CPA3: variants seen among roughly 807,000 people sequenced by gnomAD.
CPA3 encodes the protein carboxypeptidase A3.
CPA3 carries 52 observed loss-of-function variants against 55.8 expected under a neutral mutation model. That is an observed-to-expected ratio of 0.93 (90% CI 0.75 to 1.17). CPA3 has a LOEUF of 1.17. Ranked by LOEUF, CPA3 falls within the 50% of genes most tolerant of loss-of-function variation. The pLI is 0.00. For missense variants in CPA3, 547 were observed against 509.1 expected (o/e 1.07, Z -0.72); for synonymous variants, 179 against 171.2 (o/e 1.05, Z -0.36).
At chr3:148,865,643 C>A in intron 2 of CPA3, 95 bp downstream of exon 2, 1 of 1,076,672 alleles carries the variant, frequency 9.3e-7, no homozygotes, top group Non-Finnish European at 1.4e-6. Flanking sequence ...CTACAAAAGA[C>A]TATTGAACAT....
chr3:148,894,963 C>T (rs972972837), intron 10 of CPA3, among the ~76,000 whole-genome samples: 1 of 152,156 alleles, frequency 6.6e-6, no homozygotes, highest in African/African-American at 2.4e-5. Flanking sequence ...TTCCAGCTAC[C>T]CAGATTGAAA....
intron 10 of CPA3, among the ~76,000 whole-genome samples, chr3:148,890,469 C>T (rs1714639740): frequency 1.3e-5 from 2 of 151,626 alleles, no homozygotes; most frequent in Non-Finnish European, 2.9e-5. Context: ...GCTCTTTTTC[C>T]ATATTCTACA....
rs2108042534 is a variant in CPA3 at position 148,896,895 on chromosome 3, G to A, written c.*188G>A. 1 of 435,632 alleles carries A rather than the reference G, an allele frequency of 2.3e-6. No homozygotes were observed. Among genetic ancestry groups the A allele is most frequent in the Non-Finnish European group, 4.0e-6 (1 of 252,328 alleles). 27.0% of individuals were successfully genotyped at this position (435,632 alleles called of 1,614,324 possible). A position where few individuals can be genotyped will look rare whatever the true frequency, so the allele number is the denominator to read the frequency against. ...TAGCACCATAACGAAGTAGCTTTAA[G>A]TGAAACCTTTTAACTACCTTTCTTT... On this transcript the variant is annotated 3_prime_UTR_variant, in exon 11 of 11. Transcript: ENST00000296046.
At position 148,881,651 on chromosome 3, in the gene CPA3, T is replaced by C; in HGVS notation, c.687+19T>C. 6.7e-7 allele frequency: 1 copy of C among 1,497,144 alleles called. No individual in the cohort carries two copies. Among genetic ancestry groups the C allele is most frequent in the Non-Finnish European group, 9.2e-7 (1 of 1,082,390 alleles). The allele number at this position is 1,497,144 out of a possible 1,614,324, so 92.7% of individuals were successfully genotyped here. ...GACAAAGGTACTGCTCTCTACTCTC[T>C]TGTTTGCATTTAGATATTATTTGCT... On this transcript the variant is annotated intron_variant, in intron 7 of 10. Transcript: ENST00000296046.
chr3:148,894,110 AAATT>A (rs941346025), intron 10 of CPA3, among the ~76,000 whole-genome samples: 5 of 152,220 alleles, frequency 3.3e-5, no homozygotes, highest in African/African-American at 9.6e-5. Context: ...ATAAATAAAT[AAATT>A]AAATAATAGA....
Position 148,887,301 on chromosome 3 carries a change from CA to C in CPA3, c.1066+1126del, listed in dbSNP as rs531548665. Among the ~76,000 whole-genome samples, 7 of 152,252 alleles carry C rather than the reference CA, an allele frequency of 4.6e-5. No individual in the cohort carries two copies. In the South Asian group the frequency reaches 1.5e-3, roughly 32 times the overall value. On this transcript the variant is annotated intron_variant, in intron 10 of 10. Transcript: ENST00000296046. ...AAACAGGAGGCTGACCAGGATTTGC[CA>C]ACTCCCATACTTTATACTAAATAAT...
chr3:148,874,597 T>C (rs1364164153), intron 3 of CPA3, among the ~76,000 whole-genome samples: 2 of 152,202 alleles, frequency 1.3e-5, no homozygotes, highest in Non-Finnish European at 2.9e-5. Flanking sequence ...GTGAGTTAGA[T>C]ATGATGTACA....
Position 148,865,425 on chromosome 3 carries a change from G to T in CPA3, c.69-48G>T, listed in dbSNP as rs747959165. 15 of 1,612,714 alleles carry T rather than the reference G, an allele frequency of 9.3e-6. 1 individual carries two copies. In the East Asian group the frequency reaches 3.3e-4, roughly 36 times the overall value. ...GTCTCTGTGTAGAAGAGAATTAAAG[G>T]TTGTTTCCTTACAGTTCACTTTTTT... On this transcript the variant is annotated intron_variant, in intron 1 of 10. Transcript: ENST00000296046.
intron 2 of CPA3, 124 bp downstream of exon 2, chr3:148,865,672 A>C: frequency 1.1e-6 from 1 of 884,944 alleles, no homozygotes; most frequent in Non-Finnish European, 1.7e-6. Context: ...AGCAGGAGCT[A>C]TCTGGATAAT....
chr3:148,891,307 G>A (rs1477363730), intron 10 of CPA3, among the ~76,000 whole-genome samples: 3 of 152,086 alleles, frequency 2.0e-5, no homozygotes, highest in Non-Finnish European at 4.4e-5. Context: ...AAAAGGCTAA[G>A]TATCATGTTA....
Position 148,896,757 on chromosome 3 carries a change from T to C in CPA3, c.*50T>C. 1 of 1,381,840 alleles carries C rather than the reference T, an allele frequency of 7.2e-7. No homozygotes were observed. Among genetic ancestry groups the C allele is most frequent in the Non-Finnish European group, 9.7e-7 (1 of 1,034,404 alleles). The allele number at this position is 1,381,840 out of a possible 1,614,324, so 85.6% of individuals were successfully genotyped here. On this transcript the variant is annotated 3_prime_UTR_variant, in exon 11 of 11. Transcript: ENST00000296046. ...GCCAATTAATCCTTTTTTGTGCCTT[T>C]CATCAGAAAGTCAATCTTCAGTTAT...
At position 148,865,577 on chromosome 3, in the gene CPA3, T is replaced by C. The variant is rs943029313; in HGVS notation, c.144+29T>C. ...AGCATTTAGAGGGATATTTTATCTT[T>C]TCTTACTGTTCTCTAAAAGATGCTT... On this transcript the variant is annotated intron_variant, in intron 2 of 10. Coordinates refer to ENST00000296046, the MANE Select transcript of CPA3 (RefSeq NM_001870.4). The C allele has an allele frequency of 7.0e-6, 11 of 1,572,064 alleles. No individual in the cohort carries two copies. The African/African-American group carries it at 1.4e-4, about 19-fold the overall frequency.
chr3:148,881,441 G>A lies in CPA3; in HGVS notation c.577-81G>A, dbSNP rs541305104. 2.5e-5 allele frequency: 19 copies of A among 773,910 alleles called. No individual in the cohort carries two copies. In the East Asian group the frequency reaches 4.7e-4, roughly 19 times the overall value. The allele number at this position is 773,910 out of a possible 1,614,324, so 47.9% of individuals were successfully genotyped here. ...CATGTGACCTTGGGAAGTGACTCAAGTTATTACTATTATAACCACAGCTTT... is the reference window on the plus strand; with the variant it reads ...CATGTGACCTTGGGAAGTGACTCAAATTATTACTATTATAACCACAGCTTT... On this transcript the variant is annotated intron_variant, in intron 6 of 10. Coordinates refer to ENST00000296046, the MANE Select transcript of CPA3 (RefSeq NM_001870.4).
intron 3 of CPA3, among the ~76,000 whole-genome samples, chr3:148,869,615 A>G (rs1714004080): frequency 1.3e-5 from 2 of 152,200 alleles, no homozygotes; most frequent in South Asian, 4.1e-4. Context: ...TACAGTTTAA[A>G]TCAAAGAGAA....
At chr3:148,890,457 G>C (rs546951299) in intron 10 of CPA3, among the ~76,000 whole-genome samples, 1 of 152,226 alleles carries the variant, frequency 6.6e-6, no homozygotes, top group African/African-American at 2.4e-5. Context: ...TCTCAACCCA[G>C]TGCTCTTTTT....
chr3:148,871,329 G>A (rs1042048563), intron 3 of CPA3, among the ~76,000 whole-genome samples: 1 of 152,184 alleles, frequency 6.6e-6, no homozygotes, highest in African/African-American at 2.4e-5. Context: ...AAGTAGTGGT[G>A]TGGCCAAATT....
At chr3:148,879,937 C>A (rs1425346082) in intron 6 of CPA3, 48 bp downstream of exon 6, 4 of 1,253,794 alleles carry the variant, frequency 3.2e-6, no homozygotes. Context: ...GCCAAGTCTC[C>A]AGCACTTCAC....
intron 3 of CPA3, among the ~76,000 whole-genome samples, chr3:148,870,847 T>C (rs1714045019): frequency 6.6e-6 from 1 of 152,228 alleles, no homozygotes; most frequent in South Asian, 2.1e-4. Context: ...GTATTGACTC[T>C]TTCATCTAAA....
chr3:148,879,916 C>T, intron 6 of CPA3, 27 bp downstream of exon 6: 2 of 1,464,792 alleles, frequency 1.4e-6, no homozygotes, highest in Non-Finnish European at 1.9e-6. Flanking sequence ...ACTCCCAATT[C>T]TCCTTTGACT....
Sources: allele counts gnomAD v4.1 joint callset (sites outside exome capture counted in the v4.1 genomes callset), GRCh38; gene constraint gnomAD v4.1.1; transcripts MANE v1.5; gene names NCBI Gene and HGNC (gene_info 2026-07-23, HGNC 2026-07-21).